TRIM13: variants seen among roughly 807,000 people sequenced by gnomAD.
The protein encoded by TRIM13 is E3 ubiquitin-protein ligase TRIM13.
In TRIM13, 15 loss-of-function variants were observed where a neutral mutation model predicts 27.1. The observed-to-expected ratio is 0.55, with a 90% CI of 0.37 to 0.85. The LOEUF (loss-of-function observed/expected upper bound fraction) is 0.85. TRIM13 is among the 40% of genes least tolerant of loss of function. The pLI is 0.00. For synonymous variants in TRIM13, 193 were observed against 171.5 expected (o/e 1.13, Z -0.98); for missense variants, 402 against 472.2 (o/e 0.85, Z 1.38).
Position 50,012,393 on chromosome 13 carries a change from C to T in TRIM13, c.453C>T (p.Thr151=), listed in dbSNP as rs781120181. 12 of 1,613,998 alleles carry T rather than the reference C, an allele frequency of 7.4e-6. No individual in the cohort carries two copies. Among genetic ancestry groups the T allele is most frequent in the South Asian group, 6.6e-5 (6 of 91,068 alleles). The change falls in exon 2 of 2, where the codon ACC becomes ACT. Residue 151 remains threonine (T), a synonymous_variant. Transcript: ENST00000378182. ...AGTCCCTCTTCCAGAGCTTTGAGAC[C>T]TGGCGTCGGGGAGATGCTCTTTCTC... ...AFESLFQSFE[T]WRRGDALSRL...
rs189039434 is a variant in TRIM13, at chr13:50,016,367, C to T, written c.*3203C>T. 9.7e-6 allele frequency: 3 copies of T among 308,700 alleles called. No individual in the cohort carries two copies. The East Asian group carries it at 2.0e-4, about 20-fold the overall frequency. 19.1% of individuals were successfully genotyped at this position (308,700 alleles called of 1,614,324 possible). ...AGAAAATAATTTTGTAGATTATGTT[C>T]CATTGCTAATGAATTTGACTTAGAA... is the stretch of plus-strand genomic sequence containing the variant. On this transcript the variant is annotated 3_prime_UTR_variant, in exon 2 of 2. Coordinates refer to ENST00000378182, the MANE Select transcript of TRIM13 (RefSeq NM_213590.3).
intron 1 of TRIM13, among the ~76,000 whole-genome samples, chr13:50,002,578 A>T (rs1415967723): frequency 1.3e-5 from 2 of 152,208 alleles, no homozygotes; most frequent in Non-Finnish European, 2.9e-5. Flanking sequence ...ATATTAAAGT[A>T]TTCTTACATC....
intron 1 of TRIM13, among the ~76,000 whole-genome samples, chr13:50,007,488 C>CA (rs1469454855): frequency 0.037 from 2,345 of 64,080 alleles, 33 homozygotes; most frequent in African/African-American, 0.077. Flanking sequence ...GACTCTGTCT[C>CA]AAAAAAAAAA....
At chr13:50,003,210 C>T (rs1874269078) in intron 1 of TRIM13, among the ~76,000 whole-genome samples, 1 of 152,068 alleles carries the variant, frequency 6.6e-6, no homozygotes, top group Non-Finnish European at 1.5e-5. Flanking sequence ...TCAATGTTTG[C>T]TGTCTAGCCA....
intron 1 of TRIM13, among the ~76,000 whole-genome samples, chr13:50,004,857 C>T (rs1310921848): frequency 1.3e-5 from 2 of 151,828 alleles, no homozygotes; most frequent in African/African-American, 4.8e-5. Context: ...GGGCGGATTA[C>T]CTGAGGTCAG....
At chr13:49,998,085 A>G (rs746637956) in intron 1 of TRIM13, among the ~76,000 whole-genome samples, 4 of 152,068 alleles carry the variant, frequency 2.6e-5, no homozygotes, top group Non-Finnish European at 5.9e-5. Context: ...CTTGTAGAAC[A>G]GGGCTTGAGT....
chr13:50,001,572 A>G (rs1874048477), intron 1 of TRIM13, among the ~76,000 whole-genome samples: 1 of 152,190 alleles, frequency 6.6e-6, no homozygotes, highest in East Asian at 1.9e-4. Context: ...TGTTTATTCT[A>G]GGATAATGCC....
Position 50,015,991 on chromosome 13 carries a change from G to A in TRIM13, c.*2827G>A, listed in dbSNP as rs1378519974. 2 of 1,614,070 alleles carry A rather than the reference G, an allele frequency of 1.2e-6. No homozygotes were observed. Among genetic ancestry groups the A allele is most frequent in the East Asian group, 2.2e-5 (1 of 44,876 alleles). On this transcript the variant is annotated 3_prime_UTR_variant, in exon 2 of 2. Coordinates refer to ENST00000378182, the MANE Select transcript of TRIM13 (RefSeq NM_213590.3). The stretch of plus-strand genomic sequence containing the variant: ...CTCCTCAGATGACCTTACTTCCACT[G>A]CCTCCACAAAGACCTTCTTACCATG...
chr13:50,017,834 T>C lies in TRIM13; in HGVS notation c.*4670T>C, dbSNP rs1021459814. On this transcript the variant is annotated 3_prime_UTR_variant, in exon 2 of 2. Coordinates refer to ENST00000378182, the MANE Select transcript of TRIM13 (RefSeq NM_213590.3). The stretch of plus-strand genomic sequence containing the variant: ...TGAATCTATCTGTCTATTCAGATAT[T>C]TTTTGGTAGGTTTGGAAAATGGAGA... 1 of 167,072 alleles carries C rather than the reference T, an allele frequency of 6.0e-6. No homozygotes were observed. The highest frequency in any genetic ancestry group is 6.5e-5 in the Admixed American group (1 of 15,282). 10.3% of individuals were successfully genotyped at this position (167,072 alleles called of 1,614,324 possible). A position where few individuals can be genotyped will look rare whatever the true frequency, so the allele number is the denominator to read the frequency against.
At position 50,015,780 on chromosome 13, in the gene TRIM13, A is replaced by G; in HGVS notation, c.*2616A>G. On this transcript the variant is annotated 3_prime_UTR_variant, in exon 2 of 2. Coordinates refer to ENST00000378182, the MANE Select transcript of TRIM13 (RefSeq NM_213590.3). ...TTCTATGAACTTCGTTCTCTAGTTG[A>G]TCTCTTAAACCCATACCTGCTACAG... The G allele has an allele frequency of 1.2e-6, 2 of 1,614,014 alleles. No individual in the cohort carries two copies. The highest frequency in any genetic ancestry group is 2.2e-5 in the South Asian group (2 of 91,070).
At chr13:50,002,287 G>GA (rs1365192391) in intron 1 of TRIM13, among the ~76,000 whole-genome samples, 2 of 152,124 alleles carry the variant, frequency 1.3e-5, no homozygotes, top group African/African-American at 2.4e-5. Flanking sequence ...TACTTGGGAG[G>GA]ATGAGGCAGG....
chr13:50,008,553 G>T (rs1036363604), intron 1 of TRIM13, among the ~76,000 whole-genome samples: 2 of 152,026 alleles, frequency 1.3e-5, no homozygotes, highest in African/African-American at 4.8e-5. Context: ...CAGGAGGATT[G>T]CTTGAGCCCA....
In TRIM13 at chr13:50,013,399, A is replaced by C; in HGVS notation, c.*235A>C. ...CTTTTGAAATAAGCATCCACCCCAA[A>C]TGTTGGTTGTATTTATGCTGTGATA... On this transcript the variant is annotated 3_prime_UTR_variant, in exon 2 of 2. Coordinates refer to ENST00000378182, the MANE Select transcript of TRIM13 (RefSeq NM_213590.3). 1 of 370,166 alleles carries C rather than the reference A, an allele frequency of 2.7e-6. No homozygotes were observed. The highest frequency in any genetic ancestry group is 5.0e-6 in the Non-Finnish European group (1 of 198,270). 22.9% of individuals were successfully genotyped at this position (370,166 alleles called of 1,614,324 possible). A position where few individuals can be genotyped will look rare whatever the true frequency, so the allele number is the denominator to read the frequency against.
At position 50,012,793 on chromosome 13, in the gene TRIM13, C is replaced by T; in HGVS notation, c.853C>T (p.Gln285Ter). ...TTTAATGAAGAACTTTGATACCAGTCAGTGGGAAGACATAAAACTAGTCGA... is the reference window on the plus strand; with the variant it reads ...TTTAATGAAGAACTTTGATACCAGTTAGTGGGAAGACATAAAACTAGTCGA... ...SPLMKNFDTS[Q>*]WEDIKLVDVD... The change falls in exon 2 of 2, where the codon CAG becomes TAG. Residue 285 changes from glutamine (Q) to a stop codon, truncating the protein, a stop_gained. Transcript: ENST00000378182. LOFTEE classifies it high-confidence loss of function. 4.3e-6 allele frequency: 7 copies of T among 1,614,058 alleles called. No individual in the cohort carries two copies. The highest frequency in any genetic ancestry group is 5.9e-6 in the Non-Finnish European group (7 of 1,179,990).
rs552486565 is a variant in TRIM13, at chr13:50,004,827, A to G, written c.-7+7064A>G. The stretch of plus-strand genomic sequence containing the variant: ...GCGGTGGCTCACGCCTGTAATCCCA[A>G]CACTTAGGGAGGCCAAGGAGGGCGG... On this transcript the variant is annotated intron_variant, in intron 1 of 1. Coordinates refer to ENST00000378182, the MANE Select transcript of TRIM13 (RefSeq NM_213590.3). 3.3e-5 allele frequency among the ~76,000 whole-genome samples: 5 copies of G among 151,348 alleles called. No individual in the cohort carries two copies. In the South Asian group the frequency reaches 8.4e-4, roughly 25 times the overall value.
chr13:50,011,136 C>T (rs1456958964), intron 1 of TRIM13, among the ~76,000 whole-genome samples: 1 of 152,220 alleles, frequency 6.6e-6, no homozygotes, highest in African/African-American at 2.4e-5. Context: ...TCAGCAGTGT[C>T]TACACACCAT....
rs1876662692 is a variant in TRIM13 at position 50,016,892 on chromosome 13, CG to C, written c.*3729del. On this transcript the variant is annotated 3_prime_UTR_variant, in exon 2 of 2. Transcript: ENST00000378182. ...TTTTTTTTTTTTTGGTAAAGGTAGG[CG>C]TATTTTAAGATATTTTCTTAACTTG... The C allele has an allele frequency of 6.2e-6, 1 of 160,904 alleles. No individual in the cohort carries two copies. The highest frequency in any genetic ancestry group is 6.8e-5 in the Admixed American group (1 of 14,684). 10.0% of individuals were successfully genotyped at this position (160,904 alleles called of 1,614,324 possible). A position where few individuals can be genotyped will look rare whatever the true frequency, so the allele number is the denominator to read the frequency against.
At chr13:50,010,040 CTTTTTTTTT>C (rs760914119) in intron 1 of TRIM13, among the ~76,000 whole-genome samples, 2 of 117,166 alleles carry the variant, frequency 1.7e-5, no homozygotes, top group East Asian at 2.6e-4. Context: ...GTAATTTAAT[CTTTTTTTTT>C]TTTTTTTTTT....
chr13:50,001,531 C>T (rs1166259861), intron 1 of TRIM13, among the ~76,000 whole-genome samples: 1 of 152,152 alleles, frequency 6.6e-6, no homozygotes, highest in African/African-American at 2.4e-5. Flanking sequence ...GTCAGGATCT[C>T]TGCTAGAAAT....
Sources: gnomAD v4.1 joint callset for allele counts (sites outside exome capture counted in the v4.1 genomes callset) on GRCh38, gnomAD v4.1.1 for gene constraint, MANE v1.5 for transcripts, NCBI Gene and HGNC (gene_info 2026-07-23, HGNC 2026-07-21) for gene names.